The following DYNC2H1 variants were observed in gnomAD, a reference collection of about 807,000 sequenced individuals.
The protein encoded by DYNC2H1 is dynein cytoplasmic 2 heavy chain 1, also known as cytoplasmic dynein 2 heavy chain 1.
DYNC2H1 carries 410 observed loss-of-function variants against 570.0 expected under a neutral mutation model. That is an observed-to-expected ratio of 0.72 (90% CI 0.66 to 0.78). The LOEUF (loss-of-function observed/expected upper bound fraction) is 0.78. Ranked by LOEUF, DYNC2H1 falls within the 30% of genes least tolerant of loss-of-function variation. The probability of loss-of-function intolerance (pLI) is 0.00; values close to 1 mark genes in which losing one functional copy is unlikely to be tolerated. For synonymous variants in DYNC2H1, 1,688 were observed against 1,677.6 expected (o/e 1.01, Z -0.15); for missense variants, 4,865 against 5,046.4 (o/e 0.96, Z 1.09).
chr11:103,224,412 C>CT (rs1863721177), intron 59 of DYNC2H1, among the ~76,000 whole-genome samples: 1 of 19,482 alleles, frequency 5.1e-5, no homozygotes, highest in Admixed American at 5.6e-4. Flanking sequence ...ACCCCCTGCC[C>CT]TTTCCCGAGT....
chr11:103,368,742 T>C (rs185634888), intron 83 of DYNC2H1, among the ~76,000 whole-genome samples: 35 of 152,316 alleles, frequency 2.3e-4, no homozygotes, highest in Admixed American at 4.6e-4. Flanking sequence ...TTTATTTTTA[T>C]TTTATTTTTG....
At chr11:103,230,333 G>T (rs1280951361) in intron 59 of DYNC2H1, among the ~76,000 whole-genome samples, 1 of 152,212 alleles carries the variant, frequency 6.6e-6, no homozygotes, top group African/African-American at 2.4e-5. Context: ...GAGCATCACT[G>T]TAAGGCGATC....
intron 55 of DYNC2H1, among the ~76,000 whole-genome samples, chr11:103,216,289 T>G (rs960282801): frequency 1.3e-5 from 2 of 152,294 alleles, no homozygotes; most frequent in Admixed American, 6.5e-5. Context: ...TGTATTTTGA[T>G]TATACATTTT....
At chr11:103,357,817 G>T (rs1163950330) in intron 82 of DYNC2H1, among the ~76,000 whole-genome samples, 1 of 152,100 alleles carries the variant, frequency 6.6e-6, no homozygotes, top group African/African-American at 2.4e-5. Context: ...GGGCATGGTG[G>T]GACACACCTG....
chr11:103,292,158 CT>C (rs35444782), intron 75 of DYNC2H1, among the ~76,000 whole-genome samples: 66 of 145,462 alleles, frequency 4.5e-4, no homozygotes, highest in South Asian at 4.3e-4. Context: ...TTCTTCTTCT[CT>C]TTTTTTTTTT....
rs1157302186 is a variant in DYNC2H1 at position 103,177,345 on chromosome 11, GT to G, written c.5875-208del. Reference sequence around the variant, plus strand: ...ACTTGGAAACCTGGAAAGCACCTTTGTTTCTTTTAAAGAAATATTGAAGTAT... The same window carrying G: ...ACTTGGAAACCTGGAAAGCACCTTTGTTCTTTTAAAGAAATATTGAAGTAT... On this transcript the variant is annotated intron_variant, in intron 37 of 88. Coordinates refer to ENST00000375735, the MANE Select transcript of DYNC2H1 (RefSeq NM_001377.3). This position sits in a 1 kb window ranked among gnomAD's most constrained non-coding sequence, Gnocchi z 4.4. 6.6e-6 allele frequency among the ~76,000 whole-genome samples: 1 copy of G among 151,992 alleles called. No individual in the cohort carries two copies. Among genetic ancestry groups the G allele is most frequent in the Non-Finnish European group, 1.5e-5 (1 of 67,986 alleles).
chr11:103,322,677 A>T (rs1938274974), intron 81 of DYNC2H1, among the ~76,000 whole-genome samples: 1 of 152,188 alleles, frequency 6.6e-6, no homozygotes, highest in Non-Finnish European at 1.5e-5. Flanking sequence ...GACTCTAGCC[A>T]GTCTAGACAA....
chr11:103,368,232 G>A (rs1940999751), intron 83 of DYNC2H1, among the ~76,000 whole-genome samples: 1 of 152,132 alleles, frequency 6.6e-6, no homozygotes, highest in South Asian at 2.1e-4. Context: ...GTATGTAAGT[G>A]TTCCCTTTTC....
chr11:103,286,248 T>G lies in DYNC2H1; in HGVS notation c.10891-7T>G, dbSNP rs981701015. On this transcript the variant is annotated splice_region_variant and splice_polypyrimidine_tract_variant and intron_variant, in intron 73 of 88. Transcript: ENST00000375735. ...GCTCACTGTATATGGCCATTTTTAT[T>G]TTTTAGATTGCTCTCCCCAGTCTTT... 7.4e-6 allele frequency: 12 copies of G among 1,612,694 alleles called. No homozygotes were observed. The highest frequency in any genetic ancestry group is 9.3e-6 in the Non-Finnish European group (11 of 1,179,564).
chr11:103,234,107 G>T lies in DYNC2H1; in HGVS notation c.9514G>T (p.Ala3172Ser), dbSNP rs375970384. The T allele has an allele frequency of 9.5e-6, 15 of 1,574,128 alleles. No individual in the cohort carries two copies. The highest frequency in any genetic ancestry group is 1.7e-4 in the Middle Eastern group (1 of 6,030). Residue 3172 changes from alanine (A) to serine (S), a missense_variant, in exon 61 of 89, where the codon GCA (alanine) becomes TCA (serine). Transcript: ENST00000375735. ...VSKAQETIKA[A>S]EVLINQLDRE... The stretch of plus-strand genomic sequence containing the variant: ...CAAGGCACAAGAAACAATCAAAGCT[G>T]CAGAAGTCTTAATTAATCAGCTTGA...
chr11:103,115,213 T>A lies in DYNC2H1; in HGVS notation c.539T>A (p.Ile180Lys). The A allele has an allele frequency of 6.2e-7, 1 of 1,611,114 alleles. No homozygotes were observed. The highest frequency in any genetic ancestry group is 8.5e-7 in the Non-Finnish European group (1 of 1,178,626). The change falls in exon 4 of 89, where the codon ATA (isoleucine) becomes AAA (lysine). Residue 180 changes from isoleucine to lysine, a missense_variant. Transcript: ENST00000375735. ...CCAAGCGATGAGTTCCAGTTTTGGATAGAACAAGCTCACCGTGGAAATAAA... is the reference window on the plus strand; with the variant it reads ...CCAAGCGATGAGTTCCAGTTTTGGAAAGAACAAGCTCACCGTGGAAATAAA... ...LTPSDEFQFW[I>K]EQAHRGNKQI...
chr11:103,172,339 G>C (rs1422056854), intron 34 of DYNC2H1, among the ~76,000 whole-genome samples: 3 of 151,904 alleles, frequency 2.0e-5, no homozygotes, highest in Non-Finnish European at 4.4e-5. Context: ...TATCCCTTGT[G>C]CTATAGCTTC....
chr11:103,280,276 A>T lies in DYNC2H1; in HGVS notation c.10696-72A>T, dbSNP rs1218670229. Reference sequence around the variant, plus strand: ...ACAGAATAGAGATTTTTGTGTGCCAAATTTTAACGACTATGCTTTTCCAAA... The same window carrying T: ...ACAGAATAGAGATTTTTGTGTGCCATATTTTAACGACTATGCTTTTCCAAA... On this transcript the variant is annotated intron_variant, in intron 70 of 88. Transcript: ENST00000375735. This position sits in a 1 kb window ranked among gnomAD's most constrained non-coding sequence, Gnocchi z 4.7. The T allele has an allele frequency of 6.8e-7, 1 of 1,475,460 alleles. No homozygotes were observed. The highest frequency in any genetic ancestry group is 1.4e-5 in the African/African-American group (1 of 71,214). The allele number at this position is 1,475,460 out of a possible 1,614,324, so 91.4% of individuals were successfully genotyped here. A position where few individuals can be genotyped will look rare whatever the true frequency, so the allele number is the denominator to read the frequency against.
chr11:103,117,670 C>A lies in DYNC2H1; in HGVS notation c.806C>A (p.Thr269Asn), dbSNP rs1479955357. Residue 269 changes from threonine to asparagine, a missense_variant, in exon 6 of 89, where the codon ACT becomes AAT. Around this residue, in one of 5 missense-constraint regions of DYNC2H1, gnomAD observed 1,936 missense variants for 1,962.1 expected, o/e 0.99. Transcript: ENST00000375735. ...AGGTTTGTTCAGAAAAAGTTGGGAACTTTGAACCTGTGGGAAGATCCTTAT... is the reference window on the plus strand; with the variant it reads ...AGGTTTGTTCAGAAAAAGTTGGGAAATTTGAACCTGTGGGAAGATCCTTAT... ...FGRFVQKKLGTLNLWEDPYYL... is the reference protein window; with the variant it reads ...FGRFVQKKLGNLNLWEDPYYL... 5.0e-6 allele frequency: 8 copies of A among 1,608,338 alleles called. No individual in the cohort carries two copies. The African/African-American group carries it at 6.7e-5, about 13-fold the overall frequency.
At chr11:103,137,685 G>A (rs1353817244) in intron 17 of DYNC2H1, among the ~76,000 whole-genome samples, 2 of 151,886 alleles carry the variant, frequency 1.3e-5, no homozygotes, top group African/African-American at 4.8e-5. Context: ...TGTTCTTTTG[G>A]CTTAGGATTG....
rs1365598849 is a variant in DYNC2H1 at position 103,319,141 on chromosome 11, CATT to C, written c.11726-1887_11726-1885del. ...GCAAAACAGAATTTGAATGATGTAT[CATT>C]GTGTTTCACGTTTGTGATAGAATTA... On this transcript the variant is annotated intron_variant, in intron 80 of 88. Coordinates refer to ENST00000375735, the MANE Select transcript of DYNC2H1 (RefSeq NM_001377.3). The surrounding 1 kb of genome is among the most constrained non-coding windows in gnomAD (Gnocchi z 4.3). Among the ~76,000 whole-genome samples the C allele has an allele frequency of 4.6e-5, 7 of 152,060 alleles. No homozygotes were observed. The highest frequency in any genetic ancestry group is 7.4e-5 in the Non-Finnish European group (5 of 67,952).
chr11:103,115,044 A>C (rs1022407339), intron 3 of DYNC2H1, 133 bp from the exon 4 acceptor site: 1 of 524,716 alleles, frequency 1.9e-6, no homozygotes, highest in Non-Finnish European at 3.4e-6. Context: ...ACAATAAGGA[A>C]GTGTCACCTA....
chr11:103,373,841 T>C (rs1253132994), intron 83 of DYNC2H1, among the ~76,000 whole-genome samples: 1 of 152,202 alleles, frequency 6.6e-6, no homozygotes, highest in African/African-American at 2.4e-5. Flanking sequence ...TCTAATAATA[T>C]GTGCTTTTTA....
At chr11:103,257,578 C>G in intron 68 of DYNC2H1, 30 bp from the exon 69 acceptor site, 2 of 1,585,696 alleles carry the variant, frequency 1.3e-6, no homozygotes, top group Non-Finnish European at 1.7e-6. Context: ...GTGTTTCCAC[C>G]CTATCCCCTA....
Sources: gnomAD v4.1 joint callset for allele counts (sites outside exome capture counted in the v4.1 genomes callset) on GRCh38, gnomAD v4.1.1 for gene constraint, gnomAD v4.1.1 regional missense constraint, Gnocchi (gnomAD v3.1) non-coding constraint, MANE v1.5 for transcripts, NCBI Gene and HGNC (gene_info 2026-07-23, HGNC 2026-07-21) for gene names.